Variants in PTK2B observed in about 807,000 individuals in gnomAD.
The protein encoded by PTK2B is protein tyrosine kinase 2 beta, also known as protein-tyrosine kinase 2-beta.
A neutral mutation model predicts 142.9 loss-of-function variants in PTK2B; 71 were observed. That is an observed-to-expected ratio of 0.50 (90% CI 0.41 to 0.61). The LOEUF is 0.61. Among genes scored for constraint, PTK2B ranks in the 20% least tolerant of loss-of-function variants. The pLI, the probability that PTK2B is intolerant of heterozygous loss-of-function variation, is 0.00. For synonymous variants in PTK2B, 519 were observed against 503.4 expected (o/e 1.03, Z -0.42); for missense variants, 1,105 against 1,320.4 (o/e 0.84, Z 2.53).
At chr8:27,431,068 G>A (rs755729413) in intron 8 of PTK2B, 52 bp downstream of exon 8, 13 of 1,578,254 alleles carry the variant, frequency 8.2e-6, no homozygotes, top group South Asian at 1.1e-5. Flanking sequence ...CAGGCCTCTC[G>A]GAAAAGGGGG....
At chr8:27,371,759 G>A (rs1563228191) in intron 1 of PTK2B, among the ~76,000 whole-genome samples, 1 of 152,160 alleles carries the variant, frequency 6.6e-6, no homozygotes, top group East Asian at 1.9e-4. Context: ...TGTTGGCCAG[G>A]CTGGTCTCGA....
At position 27,320,216 on chromosome 8, in the gene PTK2B, A is replaced by T. The variant is rs372959435; in HGVS notation, c.-413-2186A>T. Among the ~76,000 whole-genome samples the T allele has an allele frequency of 6.6e-5, 10 of 152,256 alleles. No individual in the cohort carries two copies. In the East Asian group the frequency reaches 1.2e-3, roughly 18 times the overall value. On this transcript the variant is annotated intron_variant, in intron 3 of 35. Coordinates refer to the PTK2B transcript ENST00000397501. ...TGCCATTTTTTTCCCTCTTCACCCA[A>T]TAAAACCCTGCCTTACTCACCCTTC...
chr8:27,414,812 A>G (rs1004351596), intron 2 of PTK2B, among the ~76,000 whole-genome samples: 5 of 150,196 alleles, frequency 3.3e-5, no homozygotes, highest in African/African-American at 1.2e-4. Context: ...TTCTTTGCTC[A>G]CTCCCCCTGT....
In PTK2B at chr8:27,432,281, A is replaced by G. The variant is rs367987503; in HGVS notation, c.907A>G (p.Lys303Glu). The change falls in exon 10 of 31, where the codon AAG becomes GAG. Residue 303 changes from lysine to glutamate, a missense_variant. Lys to Glu is a moderately conservative substitution (Grantham distance 56). Transcript: ENST00000346049. ...ACAGCCCACCTGCCTGGCCGAGTTC[A>G]AGCAGATCAGGTCCATCAGGTGCCT... is the stretch of plus-strand genomic sequence containing the variant. ...DAKPTCLAEF[K>E]QIRSIRCLPL... 3.7e-6 allele frequency: 6 copies of G among 1,614,000 alleles called. No individual in the cohort carries two copies. The highest frequency in any genetic ancestry group is 1.7e-6 in the Non-Finnish European group (2 of 1,180,024).
chr8:27,346,564 G>T (rs147057502), intron 1 of PTK2B, among the ~76,000 whole-genome samples: 6 of 152,250 alleles, frequency 3.9e-5, no homozygotes, highest in Middle Eastern at 3.4e-3. Context: ...AATAAAAGTT[G>T]CTTTCTGCTC....
At chr8:27,409,681 C>T (rs1808939316) in intron 2 of PTK2B, among the ~76,000 whole-genome samples, 1 of 152,188 alleles carries the variant, frequency 6.6e-6, no homozygotes, top group Non-Finnish European at 1.5e-5. Context: ...TTGATTTTGT[C>T]CTCAACCTCA....
chr8:27,381,350 C>T (rs1371935879), intron 1 of PTK2B, among the ~76,000 whole-genome samples: 1 of 152,200 alleles, frequency 6.6e-6, no homozygotes, highest in Non-Finnish European at 1.5e-5. Context: ...CCACCCTGCC[C>T]TTCCCAGCCT....
At chr8:27,332,943 A>G (rs1803847942) in intron 1 of PTK2B, among the ~76,000 whole-genome samples, 2 of 152,212 alleles carry the variant, frequency 1.3e-5, no homozygotes, top group South Asian at 2.1e-4. Context: ...GCAATACATG[A>G]AGATAAAGAA....
chr8:27,416,981 CAA>C (rs1356260631), intron 2 of PTK2B, among the ~76,000 whole-genome samples: 1 of 152,150 alleles, frequency 6.6e-6, no homozygotes, highest in African/African-American at 2.4e-5. Flanking sequence ...TGTGGTGTAA[CAA>C]AAGTCTCATG....
At chr8:27,336,217 A>G (rs957113836) in intron 1 of PTK2B, among the ~76,000 whole-genome samples, 10 of 152,202 alleles carry the variant, frequency 6.6e-5, no homozygotes, top group African/African-American at 2.4e-4. Context: ...GAGTAAATGC[A>G]TATGTTTATG....
intron 12 of PTK2B, 82 bp from the exon 13 acceptor site, chr8:27,434,431 A>C: frequency 7.1e-7 from 1 of 1,415,900 alleles, no homozygotes; most frequent in Non-Finnish European, 9.7e-7. Context: ...AGGGGGCAGG[A>C]GGAGAGGGCG....
rs752871623 is a variant in PTK2B, at chr8:27,458,369, G to T, written c.2890G>T (p.Ala964Ser). Residue 964 changes from alanine to serine, a missense_variant, in exon 31 of 31, where the codon GCC (alanine) becomes TCC (serine). Coordinates refer to ENST00000346049, the MANE Select transcript of PTK2B (RefSeq NM_173176.3). ...CAAGATGCGGCTGGCACAGCAGAACGCCGTGACCTCCCTAAGTGAGGAGTG... is the reference window on the plus strand; with the variant it reads ...CAAGATGCGGCTGGCACAGCAGAACTCCGTGACCTCCCTAAGTGAGGAGTG... ...INKMRLAQQN[A>S]VTSLSEECKR... is the part of the protein sequence containing the mutation. 10 of 1,613,792 alleles carry T rather than the reference G, an allele frequency of 6.2e-6. No homozygotes were observed. The highest frequency in any genetic ancestry group is 1.1e-5 in the South Asian group (1 of 90,972).
upstream of PTK2B, chr8:27,322,404 A>G (rs1803239443): frequency 6.6e-6 from 1 of 152,172 alleles, no homozygotes; most frequent in South Asian, 2.1e-4. Context: ...CAAACCAGGA[A>G]TAGGACTAGC....
rs1219152778 is a variant in PTK2B, at chr8:27,412,676, TC to T, written c.205-7217del. On this transcript the variant is annotated intron_variant, in intron 2 of 30. Coordinates refer to ENST00000346049, the MANE Select transcript of PTK2B (RefSeq NM_173176.3). Reference sequence around the variant, plus strand: ...CCTTACCTGAAGCTGAAATCTATCTTCCTATGAAGATATGTTGGGTGAAGAG... The same window carrying T: ...CCTTACCTGAAGCTGAAATCTATCTTCTATGAAGATATGTTGGGTGAAGAG... Among the ~76,000 whole-genome samples the T allele has an allele frequency of 1.8e-3, 268 of 152,276 alleles. 5 individuals are homozygous for T. The highest frequency in any genetic ancestry group is 2.4e-4 in the Non-Finnish European group (16 of 68,028).
chr8:27,318,864 T>C (rs996652021), intron 3 of PTK2B, among the ~76,000 whole-genome samples: 10 of 152,174 alleles, frequency 6.6e-5, no homozygotes, highest in Non-Finnish European at 1.3e-4. Flanking sequence ...TCGGCCAGGC[T>C]GGTCTCAAAC....
chr8:27,316,266 G>A (rs1327206401), intron 3 of PTK2B, among the ~76,000 whole-genome samples: 1 of 151,206 alleles, frequency 6.6e-6, no homozygotes, highest in African/African-American at 2.4e-5. Context: ...ATTCCCAGGT[G>A]CAGAGAGTAA....
At chr8:27,382,333 T>A (rs547220252) in intron 1 of PTK2B, among the ~76,000 whole-genome samples, 50 of 152,342 alleles carry the variant, frequency 3.3e-4, no homozygotes, top group Non-Finnish European at 6.6e-4. Context: ...TTGTTTGAGT[T>A]CCTCATGTAT....
At chr8:27,368,297 C>T (rs1563225072) in intron 1 of PTK2B, among the ~76,000 whole-genome samples, 1 of 152,212 alleles carries the variant, frequency 6.6e-6, no homozygotes, top group Non-Finnish European at 1.5e-5. Context: ...GCAGGCTCCT[C>T]TGAGCCCTCT....
At chr8:27,318,505 A>C (rs113939650) in intron 3 of PTK2B, among the ~76,000 whole-genome samples, 2 of 151,932 alleles carry the variant, frequency 1.3e-5, no homozygotes, top group African/African-American at 4.8e-5. Context: ...CCAGGCAGCC[A>C]CTCTTTCTAG....
Sources: allele counts gnomAD v4.1 joint callset (sites outside exome capture counted in the v4.1 genomes callset), GRCh38; gene constraint gnomAD v4.1.1; transcripts MANE v1.5; gene names NCBI Gene and HGNC (gene_info 2026-07-23, HGNC 2026-07-21).